AATK: variants seen among roughly 807,000 people sequenced by gnomAD.
AATK encodes serine/threonine-protein kinase LMTK1.
A neutral mutation model predicts 114.3 loss-of-function variants in AATK; 91 were observed. That is an observed-to-expected ratio of 0.80 (90% confidence interval 0.67 to 0.95). The LOEUF (loss-of-function observed/expected upper bound fraction) is 0.95, where lower values mean the gene tolerates loss of function less well. Among genes scored for constraint, AATK ranks in the 40% least tolerant of loss-of-function variants. The pLI is 0.00. For synonymous variants in AATK, 1,075 were observed against 916.5 expected (o/e 1.17, Z -3.12); for missense variants, 2,176 against 1,965.2 (o/e 1.11, Z -2.03).
intron 1 of AATK, among the ~76,000 whole-genome samples, chr17:81,146,536 C>T (rs950375720): frequency 6.6e-6 from 1 of 151,884 alleles, no homozygotes; most frequent in African/African-American, 2.4e-5. Flanking sequence ...GCCAACATGG[C>T]GAAACCTTGT....
In AATK at chr17:81,121,867, C is replaced by T. The variant is rs1477005504; in HGVS notation, c.2069G>A (p.Ser690Asn). 6.3e-7 allele frequency: 1 copy of T among 1,597,866 alleles called. No homozygotes were observed. Among genetic ancestry groups the T allele is most frequent in the Non-Finnish European group, 8.5e-7 (1 of 1,178,592 alleles). The change falls in exon 11 of 14, where the codon AGC (serine) becomes AAC (asparagine). Residue 690 changes from serine to asparagine, a missense_variant. Around this residue, in one of 4 missense-constraint regions of AATK, gnomAD observed 1,701 missense variants for 1,394.7 expected, o/e 1.22. Coordinates refer to ENST00000326724, the MANE Select transcript of AATK (RefSeq NM_001080395.3). ...SNVSANNNSG[S>N]RCPESWDPVS... ...GGGGTCCCAGGACTCTGGACAGCGG[C>T]TGCCGCTGTTGTTGTTGGCTGACAC...
At position 81,140,418 on chromosome 17, in the gene AATK, G is replaced by T. The variant is rs569982500; in HGVS notation, c.56-5917C>A. 3.2e-4 allele frequency among the ~76,000 whole-genome samples: 49 copies of T among 152,310 alleles called. No homozygotes were observed. In the East Asian group the frequency reaches 8.7e-3, roughly 27 times the overall value. ...CCCAGATTTGGTAAGGGGGCACCTGGTGTATGCAGAACAACGGCTCCCAGA... is the reference window on the plus strand; with the variant it reads ...CCCAGATTTGGTAAGGGGGCACCTGTTGTATGCAGAACAACGGCTCCCAGA... On this transcript the variant is annotated intron_variant, in intron 1 of 13. Coordinates refer to ENST00000326724, the MANE Select transcript of AATK (RefSeq NM_001080395.3).
Position 81,120,531 on chromosome 17 carries a change from G to A in AATK, c.3405C>T (p.Gly1135=), listed in dbSNP as rs1296696952. The change falls in exon 11 of 14, where the codon GGC becomes GGT. Residue 1135 remains glycine (G), a synonymous_variant. Transcript: ENST00000326724. ...GGAGTGGGGCTCTGGGGGTGCCTGG[G>A]CCCCCCATCCGCTTTTGTGGGGCCG... is the stretch of plus-strand genomic sequence containing the variant. The part of the protein sequence containing the change: ...SGPAPQKRMG[G]PGTPRAPLRL... The A allele has an allele frequency of 1.3e-6, 2 of 1,483,876 alleles. No homozygotes were observed. Among genetic ancestry groups the A allele is most frequent in the Admixed American group, 2.5e-5 (1 of 39,600 alleles). The allele number at this position is 1,483,876 out of a possible 1,614,324, so 91.9% of individuals were successfully genotyped here.
At chr17:81,150,690 C>A (rs1049876617) in intron 1 of AATK, among the ~76,000 whole-genome samples, 2 of 152,180 alleles carry the variant, frequency 1.3e-5, no homozygotes, top group Admixed American at 1.3e-4. Context: ...TGGAAAGGTG[C>A]GGCACAAGGG....
At chr17:81,119,329 C>T (rs1369202916) in intron 13 of AATK, 51 bp downstream of exon 13, 6 of 1,504,952 alleles carry the variant, frequency 4.0e-6, no homozygotes, top group Admixed American at 4.3e-5. Flanking sequence ...CTCGGAGCTC[C>T]GTGCCCTGCC....
At chr17:81,136,017 C>T (rs938568603) in intron 1 of AATK, 2 of 152,374 alleles carry the variant, frequency 1.3e-5, no homozygotes, top group South Asian at 4.1e-4. Context: ...CCGGGTAAGC[C>T]CCGCTGTGTT....
At chr17:81,133,366 G>A (rs2060964638) in intron 2 of AATK, 2 of 346,468 alleles carry the variant, frequency 5.8e-6, no homozygotes, top group Non-Finnish European at 1.2e-5. Context: ...GGGCAGGGAG[G>A]ACTCTGGGAC....
chr17:81,134,012 G>A (rs1169685580), intron 2 of AATK, among the ~76,000 whole-genome samples: 3 of 152,140 alleles, frequency 2.0e-5, no homozygotes, highest in Non-Finnish European at 2.9e-5. Context: ...ACCAGGAGTC[G>A]GGCCTCTAGG....
chr17:81,124,901 C>T (rs1485316936), intron 8 of AATK, 29 bp downstream of exon 8: 3 of 1,466,400 alleles, frequency 2.0e-6, no homozygotes, highest in Middle Eastern at 3.5e-4. Context: ...GCCCCTCATG[C>T]CCAGCCCAGC....
intron 13 of AATK, among the ~76,000 whole-genome samples, chr17:81,118,720 T>G (rs924914733): frequency 1.3e-5 from 2 of 152,212 alleles, no homozygotes; most frequent in Non-Finnish European, 2.9e-5. Flanking sequence ...TGCAGTGGCC[T>G]CCTGGTGACC....
intron 12 of AATK, among the ~76,000 whole-genome samples, 161 bp from the exon 13 acceptor site, chr17:81,119,741 C>T (rs1017880483): frequency 8.3e-5 from 12 of 144,366 alleles, no homozygotes; most frequent in African/African-American, 2.8e-4. Context: ...CCATGCAGCA[C>T]GGACAAGGCC....
intron 1 of AATK, among the ~76,000 whole-genome samples, chr17:81,142,304 G>A (rs562849402): frequency 7.0e-6 from 1 of 142,456 alleles, no homozygotes; most frequent in African/African-American, 2.6e-5. Context: ...ACAGAATCTT[G>A]CTCTGTCACC....
chr17:81,119,794 G>A (rs1055414539), intron 12 of AATK, 142 bp downstream of exon 12: 66 of 1,300,752 alleles, frequency 5.1e-5, no homozygotes, highest in African/African-American at 9.7e-5. Context: ...CTCCCATGAC[G>A]ACACGGGCCA....
intron 1 of AATK, among the ~76,000 whole-genome samples, chr17:81,142,258 C>A (rs117260065): frequency 6.7e-6 from 1 of 149,590 alleles, no homozygotes; most frequent in East Asian, 2.0e-4. Flanking sequence ...CAGGCCCGCT[C>A]TTTTTTTTCT....
rs2060710220 is a variant in AATK, at chr17:81,122,323, G to A, written c.1613C>T (p.Ala538Val). ...SEYFIRLEEA[A>V]PAAGHDPDCA... ...GTCAGGGTCGTGGCCGGCGGCGGGT[G>A]CGGCCTCCTCTAGGCGGATGAAGTA... The change falls in exon 11 of 14, where the codon GCA (alanine) becomes GTA (valine). Residue 538 changes from alanine (A) to valine (V), a missense_variant. Physicochemically the swap from Ala to Val is moderately conservative, Grantham distance 64. Transcript: ENST00000326724. The A allele has an allele frequency of 6.6e-6, 10 of 1,510,920 alleles. No individual in the cohort carries two copies. Among genetic ancestry groups the A allele is most frequent in the African/African-American group, 1.4e-5 (1 of 70,218 alleles). The allele number at this position is 1,510,920 out of a possible 1,614,324, so 93.6% of individuals were successfully genotyped here.
intron 1 of AATK, among the ~76,000 whole-genome samples, chr17:81,147,846 G>A (rs1176046565): frequency 6.6e-6 from 1 of 152,088 alleles, no homozygotes; most frequent in African/African-American, 2.4e-5. Flanking sequence ...CCAGGACCAG[G>A]GCATGAGGGA....
chr17:81,125,639 G>A (rs1410049007), intron 7 of AATK, among the ~76,000 whole-genome samples: 2 of 152,192 alleles, frequency 1.3e-5, no homozygotes, highest in African/African-American at 2.4e-5. Flanking sequence ...TCACGTGGGT[G>A]TGAGGAGGCA....
In AATK at chr17:81,158,924, T is replaced by G. The variant is rs916422920; in HGVS notation, c.55+7014A>C. On this transcript the variant is annotated intron_variant, in intron 1 of 13. Coordinates refer to ENST00000326724, the MANE Select transcript of AATK (RefSeq NM_001080395.3). ...CCCCACAGTCACACACCAGCACCCC[T>G]GATCCCTGGGGCCGCTATACACACA... 4.6e-5 allele frequency among the ~76,000 whole-genome samples: 7 copies of G among 152,154 alleles called. No individual in the cohort carries two copies. The South Asian group carries it at 6.2e-4, about 13-fold the overall frequency.
chr17:81,142,248 C>T (rs970485071), intron 1 of AATK, among the ~76,000 whole-genome samples: 1 of 151,650 alleles, frequency 6.6e-6, no homozygotes, highest in African/African-American at 2.4e-5. Context: ...CATGAGCTAC[C>T]AGGCCCGCTC....
Sources: allele counts gnomAD v4.1 joint callset (sites outside exome capture counted in the v4.1 genomes callset), GRCh38; gene constraint gnomAD v4.1.1; regional missense constraint gnomAD v4.1.1; transcripts MANE v1.5; gene names NCBI Gene and HGNC (gene_info 2026-07-23, HGNC 2026-07-21).